Variants in WT1 observed in about 807,000 individuals in gnomAD.
WT1 encodes the protein Wilms tumor protein.
WT1 carries 8 observed loss-of-function variants against 60.8 expected under a neutral mutation model. That is an observed-to-expected ratio of 0.13 (90% CI 0.08 to 0.24). The LOEUF (loss-of-function observed/expected upper bound fraction) is 0.24. WT1 is among the 10% of genes least tolerant of loss of function. The pLI is 1.00. For synonymous variants in WT1, 312 were observed against 297.1 expected (o/e 1.05, Z -0.52); for missense variants, 568 against 711.8 (o/e 0.80, Z 2.30).
chr11:32,432,682 A>G (rs1455311633), intron 1 of WT1, among the ~76,000 whole-genome samples: 2 of 152,108 alleles, frequency 1.3e-5, no homozygotes, highest in East Asian at 3.9e-4. Context: ...CCTGTATATT[A>G]CAGAAGAATC....
intron 1 of WT1, chr11:32,430,588 G>A: frequency 6.2e-7 from 1 of 1,604,646 alleles, no homozygotes; most frequent in Non-Finnish European, 8.5e-7. Context: ...ACAATCCTCA[G>A]AGCCCTGCTC....
intron 1 of WT1, among the ~76,000 whole-genome samples, chr11:32,429,771 G>C (rs1853208020): frequency 6.6e-6 from 1 of 151,972 alleles, no homozygotes; most frequent in African/African-American, 2.4e-5. Context: ...CCTGGCCCAG[G>C]ACTGCCCTGG....
At chr11:32,395,464 ATC>A (rs1335806804) in intron 7 of WT1, among the ~76,000 whole-genome samples, 1 of 146,046 alleles carries the variant, frequency 6.8e-6, no homozygotes, top group Non-Finnish European at 1.5e-5. Flanking sequence ...AAAAATCATC[ATC>A]TCTCTCTCTC....
intron 5 of WT1, among the ~76,000 whole-genome samples, chr11:32,411,574 C>G (rs1448338897): frequency 6.6e-6 from 1 of 152,078 alleles, no homozygotes; most frequent in East Asian, 1.9e-4. Flanking sequence ...TCCTTCTCTG[C>G]GTAGTTGTAT....
chr11:32,430,906 T>C, intron 1 of WT1: 1 of 1,112,092 alleles, frequency 9.0e-7, no homozygotes, highest in Non-Finnish European at 1.1e-6. Context: ...GCGCTTGGCC[T>C]GGCGCGGAGA....
At chr11:32,424,020 G>C (rs1852940359) in intron 3 of WT1, among the ~76,000 whole-genome samples, 2 of 152,124 alleles carry the variant, frequency 1.3e-5, no homozygotes, top group South Asian at 4.1e-4. Flanking sequence ...AAATTAGCCA[G>C]GCGTGGTGGC....
At chr11:32,434,044 A>G (rs1040304445) in intron 1 of WT1, among the ~76,000 whole-genome samples, 1 of 152,240 alleles carries the variant, frequency 6.6e-6, no homozygotes, top group South Asian at 2.1e-4. Context: ...AGCGAAGCCC[A>G]GTGAAGATCC....
At chr11:32,395,760 C>A (rs1353773312) in intron 7 of WT1, among the ~76,000 whole-genome samples, 1 of 145,298 alleles carries the variant, frequency 6.9e-6, no homozygotes, top group Non-Finnish European at 1.5e-5. Flanking sequence ...CCATGACTGA[C>A]CTTTTTTTTT....
chr11:32,389,353 C>T (rs1851751446), intron 9 of WT1, among the ~76,000 whole-genome samples, 174 bp from the exon 10 acceptor site: 1 of 152,180 alleles, frequency 6.6e-6, no homozygotes, highest in African/African-American at 2.4e-5. Flanking sequence ...AGCAGCACCT[C>T]TTGGGGCTTT....
At chr11:32,393,953 T>A (rs1851892448) in intron 7 of WT1, among the ~76,000 whole-genome samples, 1 of 152,200 alleles carries the variant, frequency 6.6e-6, no homozygotes, top group South Asian at 2.1e-4. Flanking sequence ...AGCGCAGTGG[T>A]GTGAGCCTAG....
At chr11:32,390,051 G>C (rs1302359653) in intron 9 of WT1, among the ~76,000 whole-genome samples, 1 of 152,174 alleles carries the variant, frequency 6.6e-6, no homozygotes, top group Non-Finnish European at 1.5e-5. Flanking sequence ...CATCTATTGA[G>C]GGCAGATCCA....
chr11:32,413,572 G>A (rs1367086277), intron 5 of WT1, among the ~76,000 whole-genome samples: 8 of 152,200 alleles, frequency 5.3e-5, no homozygotes, highest in African/African-American at 1.4e-4. Flanking sequence ...ATGTTTGAAT[G>A]CTAAAAGTGA....
At chr11:32,421,054 T>TG (rs1186574230) in intron 3 of WT1, among the ~76,000 whole-genome samples, 1 of 152,184 alleles carries the variant, frequency 6.6e-6, no homozygotes. Flanking sequence ...GCTCAGTCAG[T>TG]GGGCCTGGCT....
At chr11:32,432,035 T>C (rs891277126) in intron 1 of WT1, among the ~76,000 whole-genome samples, 4 of 152,242 alleles carry the variant, frequency 2.6e-5, no homozygotes, top group Admixed American at 1.3e-4. Context: ...GAGGCCATTG[T>C]CTTAATTAAT....
Position 32,417,642 on chromosome 11 carries a change from G to A in WT1, c.900C>T (p.Tyr300=), listed in dbSNP as rs190440703. ...TGCATTCAAGCTGGGATGTCATTTG[G>A]TATAAATTGTCACTGTTAGAAAAAC... Residue 300 remains tyrosine (Y), a synonymous_variant, in exon 4 of 10, where the codon TAC becomes TAT. Transcript: ENST00000452863. The A allele has an allele frequency of 8.7e-6, 14 of 1,613,638 alleles. No individual in the cohort carries two copies. The South Asian group carries it at 1.4e-4, about 16-fold the overall frequency.
intron 4 of WT1, 51 bp downstream of exon 4, chr11:32,417,526 C>T (rs2133036186): frequency 6.6e-7 from 1 of 1,525,834 alleles, no homozygotes; most frequent in Non-Finnish European, 9.1e-7. Flanking sequence ...TGAAATGGTT[C>T]AAACAGGTAT....
Position 32,396,367 on chromosome 11 carries a change from C to CGTACAAGAGG in WT1, c.1153_1154insCCTCTTGTAC (p.Arg385ProfsTer8), listed in dbSNP as rs1564972958. The CGTACAAGAGG allele has an allele frequency of 6.2e-7, 1 of 1,614,080 alleles. No homozygotes were observed. The highest frequency in any genetic ancestry group is 1.1e-5 in the South Asian group (1 of 91,082). ...TTTCTCACTGGTCTCAGATGCCGAC[C>CGTACAAGAGG]GTACAAGAGTCGGGGCTACTCCAGG... On this transcript the variant is annotated frameshift_variant, in exon 7 of 10. Transcript: ENST00000452863. LOFTEE classifies it high-confidence loss of function.
chr11:32,394,945 G>A (rs141473309), intron 7 of WT1, among the ~76,000 whole-genome samples: 460 of 152,238 alleles, frequency 3.0e-3, no homozygotes, highest in Non-Finnish European at 5.0e-3. Context: ...TTACTTTCTC[G>A]TTTTCCTTAT....
chr11:32,430,535 T>C lies in WT1; in HGVS notation c.662-1916A>G, dbSNP rs1188182005. 5 of 1,608,818 alleles carry C rather than the reference T, an allele frequency of 3.1e-6. No individual in the cohort carries two copies. In the South Asian group the frequency reaches 3.3e-5, roughly 11 times the overall value. ...GAAGTTTTCTCTAGACGAACCCTTC[T>C]CCATTCCTGAGCCCAGGAGTAGGCA... On this transcript the variant is annotated intron_variant, in intron 1 of 9. Coordinates refer to ENST00000452863, the MANE Select transcript of WT1 (RefSeq NM_024426.6).
Sources: allele counts gnomAD v4.1 joint callset (sites outside exome capture counted in the v4.1 genomes callset), GRCh38; gene constraint gnomAD v4.1.1; transcripts MANE v1.5; gene names NCBI Gene and HGNC (gene_info 2026-07-23, HGNC 2026-07-21).